The following ASMTL variants were observed in gnomAD, a reference collection of about 807,000 sequenced individuals.
ASMTL encodes the protein probable bifunctional dTTP/UTP pyrophosphatase/methyltransferase protein.
In ASMTL, 57 loss-of-function variants were observed where a neutral mutation model predicts 60.3. That is an observed-to-expected ratio of 0.95 (90% CI 0.76 to 1.18). The LOEUF is 1.18. ASMTL is among the 50% of genes most tolerant of loss of function. The probability of loss-of-function intolerance (pLI) is 0.00; values close to 1 mark genes in which losing one functional copy is unlikely to be tolerated. For missense variants in ASMTL, 981 were observed against 852.6 expected, an observed-to-expected ratio of 1.15 and a Z score of -1.88; for synonymous variants, 419 against 373.0, an observed-to-expected ratio of 1.12 and a Z score of -1.42.
chrX:1,434,329 A>T (rs1387719199), intron 5 of ASMTL, among the ~76,000 whole-genome samples: 20 of 151,882 alleles, frequency 1.3e-4, no homozygotes, highest in South Asian at 6.3e-4. Flanking sequence ...ACCTCTATAA[A>T]AAATACAAAA....
rs1373341125 is a variant in ASMTL at position 1,443,140 on chromosome X, C to CCGCCGTCGTGGACACAT, written c.94-824_94-823insATGTGTCCACGACGGCG. Among the ~76,000 whole-genome samples, 390 of 139,502 alleles carry CCGCCGTCGTGGACACAT rather than the reference C, an allele frequency of 2.8e-3. 3 individuals are homozygous for CCGCCGTCGTGGACACAT. Among genetic ancestry groups the CCGCCGTCGTGGACACAT allele is most frequent in the African/African-American group, 0.01 (373 of 37,096 alleles). 91.5% of individuals were successfully genotyped at this position (139,502 alleles called of 152,430 possible). A position where few individuals can be genotyped will look rare whatever the true frequency, so the allele number is the denominator to read the frequency against. On this transcript the variant is annotated intron_variant, in intron 1 of 12. Transcript: ENST00000381317. ...GACACACACCGCCGTCGTGGACACA[C>CCGCCGTCGTGGACACAT]GCCGCCATCTTGGACACACACCGCC...
intron 1 of ASMTL, among the ~76,000 whole-genome samples, chrX:1,451,442 C>G (rs1474787082): frequency 4.1e-5 from 6 of 145,382 alleles, no homozygotes; most frequent in Non-Finnish European, 9.1e-5. Context: ...TTCCAGGTCA[C>G]TCTCCCCTCC....
At chrX:1,438,948 CT>C in intron 3 of ASMTL, 148 bp downstream of exon 3, 1 of 887,698 alleles carries the variant, frequency 1.1e-6, no homozygotes, top group Non-Finnish European at 1.8e-6. Flanking sequence ...CCTTAGGCCC[CT>C]CATCTGCTGG....
At chrX:1,432,808 C>T (rs868395511) in intron 5 of ASMTL, among the ~76,000 whole-genome samples, 6 of 152,070 alleles carry the variant, frequency 3.9e-5, no homozygotes, top group Non-Finnish European at 8.8e-5. Flanking sequence ...CAGCCTGGGC[C>T]ACAGAGCGAG....
In ASMTL at chrX:1,403,471, A is replaced by G. The variant is rs764785568; in HGVS notation, c.1664T>C (p.Val555Ala). 8 of 1,612,878 alleles carry G rather than the reference A, an allele frequency of 5.0e-6. No individual in the cohort carries two copies. Among genetic ancestry groups the G allele is most frequent in the Non-Finnish European group, 6.8e-6 (8 of 1,179,844 alleles). ...SCKPGAGLLL[V>A]ETLLDEEKRV... ...CTTCTCCTCATCCAGGAGCGTCTCC[A>G]CCAGCAGCAGGCCGGCCCCTGAGGG... Residue 555 changes from valine (V) to alanine (A), a missense_variant, in exon 13 of 13, where the codon GTG becomes GCG. Physicochemically the swap from Val to Ala is moderately conservative, Grantham distance 64. Coordinates refer to ENST00000381317, the MANE Select transcript of ASMTL (RefSeq NM_004192.4).
At chrX:1,431,320 T>C (rs1369654728) in intron 6 of ASMTL, among the ~76,000 whole-genome samples, 1 of 131,760 alleles carries the variant, frequency 7.6e-6, no homozygotes, top group Non-Finnish European at 1.5e-5. Flanking sequence ...TTATATATTT[T>C]ATATATAATT....
chrX:1,436,809 G>C (rs1310061393), intron 3 of ASMTL, among the ~76,000 whole-genome samples: 1 of 152,228 alleles, frequency 6.6e-6, no homozygotes. Flanking sequence ...GGTTTTGGTG[G>C]AACACCTGTT....
At chrX:1,433,658 C>T (rs1251157898) in intron 5 of ASMTL, among the ~76,000 whole-genome samples, 5 of 150,676 alleles carry the variant, frequency 3.3e-5, no homozygotes, top group Admixed American at 6.6e-5. Context: ...CTAGCCTGGG[C>T]GATAAAGCGA....
At chrX:1,444,676 G>C (rs2091196681) in intron 1 of ASMTL, among the ~76,000 whole-genome samples, 1 of 151,908 alleles carries the variant, frequency 6.6e-6, no homozygotes, top group South Asian at 2.1e-4. Flanking sequence ...CTCTGACCCT[G>C]TCCTTTCTCT....
chrX:1,446,994 T>A (rs1250515860), intron 1 of ASMTL, among the ~76,000 whole-genome samples: 3 of 152,236 alleles, frequency 2.0e-5, no homozygotes, highest in Admixed American at 1.3e-4. Context: ...TTTTCCTTTT[T>A]CTTTTTCTCC....
intron 1 of ASMTL, among the ~76,000 whole-genome samples, chrX:1,443,386 ACGCCGC>A (rs550946704): frequency 6.6e-5 from 3 of 45,596 alleles, no homozygotes; most frequent in Non-Finnish European, 1.4e-4. Flanking sequence ...TCATGGACAC[ACGCCGC>A]CATCTTGGAC....
At chrX:1,431,739 A>G (rs1237777660) in intron 6 of ASMTL, among the ~76,000 whole-genome samples, 1 of 150,582 alleles carries the variant, frequency 6.6e-6, no homozygotes, top group Non-Finnish European at 1.5e-5. Flanking sequence ...ATGTTACATT[A>G]TATAATGTAT....
intron 10 of ASMTL, among the ~76,000 whole-genome samples, chrX:1,418,541 T>G (rs1264788454): frequency 3.9e-5 from 6 of 152,082 alleles, no homozygotes; most frequent in African/African-American, 1.4e-4. Flanking sequence ...GCAGCCACTC[T>G]GGACCACAAG....
At chrX:1,412,689 C>T in intron 12 of ASMTL, 43 bp downstream of exon 12, 1 of 1,613,658 alleles carries the variant, frequency 6.2e-7, no homozygotes, top group East Asian at 2.2e-5. Flanking sequence ...ACCCAAAATA[C>T]TACGTCTTAA....
At chrX:1,451,904 C>G (rs1416746022) in intron 1 of ASMTL, among the ~76,000 whole-genome samples, 2 of 143,686 alleles carry the variant, frequency 1.4e-5, no homozygotes, top group Non-Finnish European at 3.1e-5. Context: ...TGGGTCACTC[C>G]TCCCTCCCCA....
At chrX:1,412,939 T>C in intron 11 of ASMTL, 85 bp from the exon 12 acceptor site, 1 of 1,493,772 alleles carries the variant, frequency 6.7e-7, no homozygotes, top group Non-Finnish European at 9.3e-7. Context: ...GCCACCCGCA[T>C]CCTAAATCAG....
intron 1 of ASMTL, among the ~76,000 whole-genome samples, chrX:1,448,387 C>A (rs1485636665): frequency 6.7e-6 from 1 of 149,666 alleles, no homozygotes; most frequent in Non-Finnish European, 1.5e-5. Flanking sequence ...GCACCACCAT[C>A]TTGGACACAC....
intron 12 of ASMTL, among the ~76,000 whole-genome samples, chrX:1,407,817 G>A (rs368108152): frequency 6.6e-6 from 1 of 151,814 alleles, no homozygotes; most frequent in South Asian, 2.1e-4. Context: ...GGAGGAAGGA[G>A]GAGAGAAGAG....
At chrX:1,434,139 T>A (rs1287525871) in intron 5 of ASMTL, among the ~76,000 whole-genome samples, 1 of 152,098 alleles carries the variant, frequency 6.6e-6, no homozygotes, top group Non-Finnish European at 1.5e-5. Context: ...GGGAATGGGT[T>A]GGTGCAGGAA....
Sources: allele counts gnomAD v4.1 joint callset (sites outside exome capture counted in the v4.1 genomes callset), GRCh38; gene constraint gnomAD v4.1.1; transcripts MANE v1.5; gene names NCBI Gene and HGNC (gene_info 2026-07-23, HGNC 2026-07-21).